BMP6: variants seen among roughly 807,000 people sequenced by gnomAD.
The protein encoded by BMP6 is bone morphogenetic protein 6.
In BMP6, 17 loss-of-function variants were observed where a neutral mutation model predicts 54.1. The ratio of observed to expected loss-of-function variants is 0.31; its 90% CI spans 0.22 to 0.47. The LOEUF (loss-of-function observed/expected upper bound fraction) is 0.47. Ranked by LOEUF, BMP6 falls within the 20% of genes least tolerant of loss-of-function variation. The probability of loss-of-function intolerance (pLI) is 1.00; values close to 1 mark genes in which losing one functional copy is unlikely to be tolerated. For missense variants in BMP6, 720 were observed against 690.4 expected (o/e 1.04, Z -0.48); for synonymous variants, 328 against 291.2 (o/e 1.13, Z -1.28).
chr6:7,734,319 T>C (rs1761920722), intron 1 of BMP6, among the ~76,000 whole-genome samples: 1 of 152,244 alleles, frequency 6.6e-6, no homozygotes, highest in African/African-American at 2.4e-5. Context: ...CTAATCTGTT[T>C]GTTCGCAGTT....
intron 4 of BMP6, among the ~76,000 whole-genome samples, chr6:7,870,598 G>A (rs1759508252): frequency 6.6e-6 from 1 of 151,958 alleles, no homozygotes; most frequent in African/African-American, 2.4e-5. Context: ...GGGGAAACAG[G>A]CATGTCTGTC....
At position 7,864,611 on chromosome 6, in the gene BMP6, G is replaced by A. The variant is rs578029492; in HGVS notation, c.1204+2113G>A. Among the ~76,000 whole-genome samples, 138 of 152,288 alleles carry A rather than the reference G, an allele frequency of 9.1e-4. 1 individual carries two copies. The highest frequency in any genetic ancestry group is 3.2e-3 in the African/African-American group (134 of 41,560). On this transcript the variant is annotated intron_variant, in intron 4 of 6. Transcript: ENST00000283147. ...AAAGTACCTATTTCTTCTTTGGGAA[G>A]CAGTGTCTCCATTTTGTGTTCCGAC...
At chr6:7,787,693 G>A (rs891695638) in intron 1 of BMP6, among the ~76,000 whole-genome samples, 24 of 152,208 alleles carry the variant, frequency 1.6e-4, no homozygotes, top group Admixed American at 6.5e-5. Context: ...GCATATTTGC[G>A]TGTTAGGTTG....
In BMP6 at chr6:7,785,383, T is replaced by C. The variant is rs139472137; in HGVS notation, c.664+57764T>C. Among the ~76,000 whole-genome samples, 196 of 152,360 alleles carry C rather than the reference T, an allele frequency of 1.3e-3. 3 individuals are homozygous for C. The highest frequency in any genetic ancestry group is 4.4e-3 in the African/African-American group (185 of 41,580). On this transcript the variant is annotated intron_variant, in intron 1 of 6. Coordinates refer to ENST00000283147, the MANE Select transcript of BMP6 (RefSeq NM_001718.6). Reference sequence around the variant, plus strand: ...CTGAGTGCTTGTTTGTAGCTTCCTTTGTAAATCAGAAGAGTTATTTGGTGT... The same window carrying C: ...CTGAGTGCTTGTTTGTAGCTTCCTTCGTAAATCAGAAGAGTTATTTGGTGT...
chr6:7,865,668 C>T (rs1759409990), intron 4 of BMP6, among the ~76,000 whole-genome samples: 1 of 152,160 alleles, frequency 6.6e-6, no homozygotes, highest in South Asian at 2.1e-4. Flanking sequence ...CCTTCATGAA[C>T]CAGGTAGACA....
At chr6:7,772,859 C>A (rs1400513483) in intron 1 of BMP6, among the ~76,000 whole-genome samples, 1 of 152,190 alleles carries the variant, frequency 6.6e-6, no homozygotes, top group Admixed American at 6.5e-5. Flanking sequence ...CACATTTCTT[C>A]TTTAGCTATT....
At chr6:7,728,563 A>C (rs1319829545) in intron 1 of BMP6, among the ~76,000 whole-genome samples, 3 of 152,194 alleles carry the variant, frequency 2.0e-5, no homozygotes, top group African/African-American at 7.2e-5. Context: ...GGTGCAGAGA[A>C]GACTCTTTTC....
chr6:7,774,771 A>G (rs1262104380), intron 1 of BMP6, among the ~76,000 whole-genome samples: 1 of 152,228 alleles, frequency 6.6e-6, no homozygotes, highest in Non-Finnish European at 1.5e-5. Flanking sequence ...TGAAACAAAC[A>G]TGGATATTGC....
At position 7,727,645 on chromosome 6, in the gene BMP6, C is replaced by A. The variant is rs187026597; in HGVS notation, c.664+26C>A. The A allele has an allele frequency of 1.7e-3, 2,609 of 1,501,692 alleles. 7 individuals are homozygous for A. The highest frequency in any genetic ancestry group is 1.3e-3 in the Non-Finnish European group (1,449 of 1,132,404). 93.0% of individuals were successfully genotyped at this position (1,501,692 alleles called of 1,614,324 possible). A position where few individuals can be genotyped will look rare whatever the true frequency, so the allele number is the denominator to read the frequency against. ...GTAAGGATTTGGGGTAACGTAATGA[C>A]GAGAACATTTCCCCCTTTTCAGTGT... is the stretch of plus-strand genomic sequence containing the variant. On this transcript the variant is annotated intron_variant, in intron 1 of 6. Transcript: ENST00000283147.
intron 1 of BMP6, among the ~76,000 whole-genome samples, chr6:7,772,615 A>G (rs1757806173): frequency 6.6e-6 from 1 of 152,124 alleles, no homozygotes; most frequent in South Asian, 2.1e-4. Context: ...GGCCAGTGCT[A>G]TGGGGGTAAA....
chr6:7,808,215 C>T (rs182294507), intron 1 of BMP6, among the ~76,000 whole-genome samples: 21 of 152,184 alleles, frequency 1.4e-4, no homozygotes, highest in African/African-American at 2.2e-4. Context: ...CCACCGCGCC[C>T]GGCCTTAAAT....
At position 7,768,875 on chromosome 6, in the gene BMP6, CAT is replaced by C. The variant is rs1404824281; in HGVS notation, c.664+41261_664+41262del. Among the ~76,000 whole-genome samples the C allele has an allele frequency of 2.6e-5, 4 of 152,236 alleles. No individual in the cohort carries two copies. The East Asian group carries it at 7.7e-4, about 29-fold the overall frequency. On this transcript the variant is annotated intron_variant, in intron 1 of 6. Transcript: ENST00000283147. ...CTCATCACAGCTTGCCATGATCTGT[CAT>C]ATATTATAGTTACGTGTGTCCTTTT...
chr6:7,742,899 C>A (rs1757289007), intron 1 of BMP6, among the ~76,000 whole-genome samples: 1 of 152,148 alleles, frequency 6.6e-6, no homozygotes. Context: ...GGTCCTGGAA[C>A]AGAGATCTTT....
At chr6:7,824,652 TCCAAAAGGGTAATCTGATAATC>T (rs970898737) in intron 1 of BMP6, among the ~76,000 whole-genome samples, 1 of 152,194 alleles carries the variant, frequency 6.6e-6, no homozygotes, top group Non-Finnish European at 1.5e-5. Context: ...ATCTGATAAT[TCCAAAAGGGTAATCTGATAATC>T]CCAAAAGCTT....
At chr6:7,767,815 TGA>T (rs1757714528) in intron 1 of BMP6, among the ~76,000 whole-genome samples, 1 of 152,164 alleles carries the variant, frequency 6.6e-6, no homozygotes, top group South Asian at 2.1e-4. Context: ...TAATTTTTGT[TGA>T]GAGCTGGACA....
At chr6:7,861,708 A>C (rs1561794663) in intron 3 of BMP6, 109 bp downstream of exon 3, 1 of 1,457,236 alleles carries the variant, frequency 6.9e-7, no homozygotes, top group East Asian at 2.3e-5. Context: ...CCTCAGCTTC[A>C]GGATGGCCTC....
chr6:7,846,228 G>A (rs1759061306), intron 2 of BMP6, among the ~76,000 whole-genome samples: 1 of 151,958 alleles, frequency 6.6e-6, no homozygotes, highest in African/African-American at 2.4e-5. Flanking sequence ...TATGGGGGAG[G>A]GAACTCCATG....
intron 1 of BMP6, among the ~76,000 whole-genome samples, chr6:7,743,564 T>C (rs1757301982): frequency 6.6e-6 from 1 of 152,198 alleles, no homozygotes; most frequent in African/African-American, 2.4e-5. Flanking sequence ...TTGTTTATTC[T>C]CATGCATGCA....
chr6:7,828,375 G>A (rs932640617), intron 1 of BMP6, among the ~76,000 whole-genome samples: 9 of 152,186 alleles, frequency 5.9e-5, no homozygotes, highest in Admixed American at 5.9e-4. Flanking sequence ...TGTTCAGAGC[G>A]CACGGCTGTG....
Sources: gnomAD v4.1 joint callset for allele counts (sites outside exome capture counted in the v4.1 genomes callset) on GRCh38, gnomAD v4.1.1 for gene constraint, MANE v1.5 for transcripts, NCBI Gene and HGNC (gene_info 2026-07-23, HGNC 2026-07-21) for gene names.